The following SEC11C variants were observed in gnomAD, a reference collection of about 807,000 sequenced individuals.
SEC11C encodes the protein signal peptidase complex catalytic subunit SEC11C.
A neutral mutation model predicts 21.9 loss-of-function variants in SEC11C; 10 were observed. The ratio of observed to expected loss-of-function variants is 0.46; its 90% confidence interval spans 0.28 to 0.77. The LOEUF (loss-of-function observed/expected upper bound fraction) is 0.77. SEC11C is among the 30% of genes least tolerant of loss of function. The pLI is 0.12. For synonymous variants in SEC11C, 83 were observed against 85.6 expected, an observed-to-expected ratio of 0.97 and a Z score of 0.17; for missense variants, 145 against 244.5, an observed-to-expected ratio of 0.59 and a Z score of 2.71.
chr18:59,152,379 CAT>C (rs369342295), intron 2 of SEC11C, among the ~76,000 whole-genome samples, 155 bp from the exon 3 acceptor site: 171 of 152,306 alleles, frequency 1.1e-3, no homozygotes, highest in African/African-American at 3.8e-3. Flanking sequence ...TCCTTTCGCA[CAT>C]GTTACCACCT....
chr18:59,150,463 C>T (rs968780191), intron 2 of SEC11C, among the ~76,000 whole-genome samples: 6 of 152,202 alleles, frequency 3.9e-5, no homozygotes, highest in African/African-American at 1.4e-4. Context: ...TGTGGTTGGC[C>T]AAGGGGCACA....
chr18:59,148,611 C>A (rs561743935), intron 1 of SEC11C, among the ~76,000 whole-genome samples: 9 of 132,138 alleles, frequency 6.8e-5, no homozygotes, highest in African/African-American at 2.7e-4. Context: ...ACCCTCCCAC[C>A]TGTGCTCCTT....
At chr18:59,155,883 A>G in intron 4 of SEC11C, 76 bp downstream of exon 4, 1 of 1,515,244 alleles carries the variant, frequency 6.6e-7, no homozygotes, top group South Asian at 1.2e-5. Context: ...CAATAGGCTA[A>G]TGAGTCGTTA....
chr18:59,155,566 G>T, intron 3 of SEC11C, 122 bp from the exon 4 acceptor site: 1 of 986,728 alleles, frequency 1.0e-6, no homozygotes. Flanking sequence ...GGAAGGTCAG[G>T]TTATCTTTGA....
At chr18:59,142,067 T>C (rs561743982) in intron 1 of SEC11C, among the ~76,000 whole-genome samples, 96 of 152,304 alleles carry the variant, frequency 6.3e-4, no homozygotes, top group African/African-American at 2.1e-3. Flanking sequence ...GTTTTTTTTT[T>C]CCAGACCGCA....
rs145513668 is a variant in SEC11C, at chr18:59,154,125, C to T, written c.347+1440C>T. On this transcript the variant is annotated intron_variant, in intron 3 of 5. Coordinates refer to ENST00000587834, the MANE Select transcript of SEC11C (RefSeq NM_033280.4). ...TGGTGATACACTGGTCCTGTACTAACGGTTACTTGATGCCTACCTGTTAGA... is the reference window on the plus strand; with the variant it reads ...TGGTGATACACTGGTCCTGTACTAATGGTTACTTGATGCCTACCTGTTAGA... Among the ~76,000 whole-genome samples, 539 of 152,304 alleles carry T rather than the reference C, an allele frequency of 3.5e-3. 1 individual carries two copies. The highest frequency in any genetic ancestry group is 0.012 in the African/African-American group (508 of 41,558).
At chr18:59,151,831 C>T (rs7241847) in intron 2 of SEC11C, among the ~76,000 whole-genome samples, 33,897 of 152,122 alleles carry the variant, frequency 0.22, 4,055 homozygotes, top group East Asian at 0.42. Flanking sequence ...TGAGCAAATA[C>T]ATATAATGAA....
chr18:59,153,424 A>G (rs1449915813), intron 3 of SEC11C: 1 of 152,188 alleles, frequency 6.6e-6, no homozygotes, highest in Non-Finnish European at 1.5e-5. Flanking sequence ...ATAGAATTAA[A>G]TTTAGGTATG....
chr18:59,145,924 A>G (rs2069269364), intron 1 of SEC11C, among the ~76,000 whole-genome samples: 1 of 152,244 alleles, frequency 6.6e-6, no homozygotes, highest in African/African-American at 2.4e-5. Flanking sequence ...TACATCGTAT[A>G]GCTTAGGGGT....
intron 4 of SEC11C, chr18:59,156,432 A>G (rs1369052678): frequency 2.0e-5 from 3 of 152,350 alleles, no homozygotes; most frequent in Admixed American, 6.5e-5. Context: ...CTACATCTGT[A>G]TCTTTTTAAG....
chr18:59,155,602 A>G, intron 3 of SEC11C, 86 bp from the exon 4 acceptor site: 1 of 1,412,878 alleles, frequency 7.1e-7, no homozygotes, highest in Non-Finnish European at 9.7e-7. Flanking sequence ...CTCCTGTCTG[A>G]CAGTAAAGTC....
At chr18:59,158,088 C>T (rs1371648376) in intron 5 of SEC11C, among the ~76,000 whole-genome samples, 1 of 152,038 alleles carries the variant, frequency 6.6e-6, no homozygotes. Context: ...CGGAATCTGG[C>T]TCTGTTGCTC....
intron 1 of SEC11C, among the ~76,000 whole-genome samples, chr18:59,146,766 G>GGAAGGGTTTGCGAT (rs1451002157): frequency 6.6e-6 from 1 of 152,136 alleles, no homozygotes. Flanking sequence ...GTGAGGTGGA[G>GGAAGGGTTTGCGAT]GAAGGGTTTG....
intron 1 of SEC11C, among the ~76,000 whole-genome samples, chr18:59,148,303 A>G (rs911609195): frequency 6.6e-6 from 1 of 152,260 alleles, no homozygotes; most frequent in African/African-American, 2.4e-5. Flanking sequence ...TGCTAGCCAC[A>G]GCAGCGTTAG....
intron 1 of SEC11C, among the ~76,000 whole-genome samples, chr18:59,143,856 T>TTTTTTC (rs1555657596): frequency 6.2e-5 from 9 of 145,882 alleles, no homozygotes; most frequent in Non-Finnish European, 1.4e-4. Flanking sequence ...TGCCATTTTC[T>TTTTTTC]TTTTTTTTTT....
intron 1 of SEC11C, among the ~76,000 whole-genome samples, chr18:59,140,554 G>T (rs1373190383): frequency 1.3e-5 from 2 of 152,178 alleles, no homozygotes; most frequent in African/African-American, 4.8e-5. Flanking sequence ...CCGTGGGTCG[G>T]GACTAAATAA....
chr18:59,141,938 T>A (rs1459427407), intron 1 of SEC11C, among the ~76,000 whole-genome samples: 4 of 152,256 alleles, frequency 2.6e-5, no homozygotes, highest in Non-Finnish European at 5.9e-5. Flanking sequence ...TCATCATTGG[T>A]TGACAATGAC....
intron 1 of SEC11C, among the ~76,000 whole-genome samples, chr18:59,148,460 G>A (rs899632798): frequency 5.3e-5 from 8 of 152,246 alleles, no homozygotes; most frequent in African/African-American, 1.9e-4. Context: ...GCAAGGAAGA[G>A]CCTGTGCTTC....
chr18:59,141,664 CTTT>C (rs113985050), intron 1 of SEC11C, among the ~76,000 whole-genome samples: 1 of 146,308 alleles, frequency 6.8e-6, no homozygotes, highest in Admixed American at 6.8e-5. Flanking sequence ...AAAGCTTTGT[CTTT>C]TTTTTTTTTT....
Sources: gnomAD v4.1 joint callset for allele counts (sites outside exome capture counted in the v4.1 genomes callset) on GRCh38, gnomAD v4.1.1 for gene constraint, MANE v1.5 for transcripts, NCBI Gene and HGNC (gene_info 2026-07-23, HGNC 2026-07-21) for gene names.